Variants in DLGAP2 observed in about 807,000 individuals in gnomAD.
DLGAP2 encodes the protein DLG associated protein 2.
Under a neutral mutation model 100.3 loss-of-function variants are expected in DLGAP2, and 26 were observed. That is an observed-to-expected ratio of 0.26 (90% CI 0.19 to 0.36). The LOEUF is 0.36. DLGAP2 is among the 10% of genes least tolerant of loss of function. The pLI is 1.00. For synonymous variants in DLGAP2, 886 were observed against 630.1 expected, an observed-to-expected ratio of 1.41 and a Z score of -6.08; for missense variants, 1,858 against 1,453.2, an observed-to-expected ratio of 1.28 and a Z score of -4.53.
At chr8:1,037,978 C>T (rs542634088) in intron 2 of DLGAP2, among the ~76,000 whole-genome samples, 4 of 152,272 alleles carry the variant, frequency 2.6e-5, no homozygotes, top group South Asian at 2.1e-4. Context: ...TTTGTAGACA[C>T]GGAGGAGGTT....
intron 1 of DLGAP2, among the ~76,000 whole-genome samples, chr8:811,638 T>A (rs1181628442): frequency 7.4e-6 from 1 of 136,026 alleles, no homozygotes; most frequent in African/African-American, 2.8e-5. Flanking sequence ...AACCTTGGAA[T>A]GAGCAGGAAC....
At chr8:1,250,666 G>A (rs940284006) in intron 2 of DLGAP2, 6 of 151,996 alleles carry the variant, frequency 3.9e-5, no homozygotes, top group South Asian at 2.1e-4. Context: ...TGTTCCTACC[G>A]TTCATTGCTT....
At chr8:1,215,419 G>C (rs1178889979) in intron 2 of DLGAP2, among the ~76,000 whole-genome samples, 3 of 151,900 alleles carry the variant, frequency 2.0e-5, no homozygotes, top group Admixed American at 6.6e-5. Context: ...TGCATCACCT[G>C]GAGACGTCCA....
chr8:785,956 A>C (rs1305060873), intron 1 of DLGAP2, among the ~76,000 whole-genome samples: 1 of 152,186 alleles, frequency 6.6e-6, no homozygotes, highest in South Asian at 2.1e-4. Flanking sequence ...GAACGGGAGC[A>C]CCAGGCGATA....
At chr8:831,207 C>CTTTT (rs59545503) in intron 1 of DLGAP2, among the ~76,000 whole-genome samples, 3 of 127,636 alleles carry the variant, frequency 2.4e-5, no homozygotes, top group East Asian at 2.3e-4. Flanking sequence ...CCAGCAGTCA[C>CTTTT]TTTTTTTTTT....
At chr8:1,426,052 C>T (rs905250144) in intron 3 of DLGAP2, among the ~76,000 whole-genome samples, 1 of 152,188 alleles carries the variant, frequency 6.6e-6, no homozygotes, top group Non-Finnish European at 1.5e-5. Flanking sequence ...AGACCAAACT[C>T]TGAACCAAGG....
At chr8:1,242,805 C>T (rs1001147893) in intron 2 of DLGAP2, among the ~76,000 whole-genome samples, 6 of 151,614 alleles carry the variant, frequency 4.0e-5, no homozygotes, top group South Asian at 2.1e-4. Context: ...GATGGATGGA[C>T]GGATGGATGG....
At position 912,199 on chromosome 8, in the gene DLGAP2, T is replaced by A. The variant is rs1798499071; in HGVS notation, c.73+4233T>A. 2.6e-5 allele frequency among the ~76,000 whole-genome samples: 4 copies of A among 152,320 alleles called. No homozygotes were observed. The South Asian group carries it at 6.2e-4, about 24-fold the overall frequency. On this transcript the variant is annotated intron_variant, in intron 2 of 14. Transcript: ENST00000637795. ...AACTTTGATAATAAGAAGTGAATAA[T>A]GAAACCTCAAACAGATCAAGCATGC...
intron 1 of DLGAP2, among the ~76,000 whole-genome samples, chr8:872,580 T>C (rs970804321): frequency 1.2e-4 from 18 of 152,214 alleles, no homozygotes; most frequent in African/African-American, 4.3e-4. Flanking sequence ...CCACCCACCT[T>C]GGCCTCCCAA....
intron 8 of DLGAP2, among the ~76,000 whole-genome samples, chr8:1,647,906 G>C (rs1203375624): frequency 6.6e-6 from 1 of 152,114 alleles, no homozygotes; most frequent in Non-Finnish European, 1.5e-5. Flanking sequence ...TCACATGGTG[G>C]AAAAAGCGTA....
chr8:1,633,545 T>C (rs1009748939), intron 8 of DLGAP2, among the ~76,000 whole-genome samples: 1 of 152,192 alleles, frequency 6.6e-6, no homozygotes, highest in African/African-American at 2.4e-5. Flanking sequence ...GAAGACTCAG[T>C]CTCGCAATTT....
At chr8:962,683 T>A (rs1256597269) in intron 2 of DLGAP2, among the ~76,000 whole-genome samples, 5 of 151,772 alleles carry the variant, frequency 3.3e-5, no homozygotes, top group Admixed American at 3.3e-4. Flanking sequence ...AACAACGACA[T>A]CAGATGGAGC....
chr8:1,647,646 C>T (rs1229523352), intron 8 of DLGAP2, among the ~76,000 whole-genome samples: 4 of 151,976 alleles, frequency 2.6e-5, no homozygotes, highest in African/African-American at 7.2e-5. Flanking sequence ...GATAGCTTAT[C>T]ATCACTGAAG....
chr8:784,894 A>T (rs1821795237), intron 1 of DLGAP2, among the ~76,000 whole-genome samples: 1 of 152,000 alleles, frequency 6.6e-6, no homozygotes, highest in Non-Finnish European at 1.5e-5. Flanking sequence ...AAAGTTTCTT[A>T]TTTTACAGCC....
intron 2 of DLGAP2, chr8:910,671 G>A (rs1047572968): frequency 2.6e-5 from 4 of 152,150 alleles, no homozygotes; most frequent in Non-Finnish European, 4.4e-5. Flanking sequence ...AACCTACCTG[G>A]AGTGAGCGTT....
intron 6 of DLGAP2, among the ~76,000 whole-genome samples, chr8:1,594,695 AT>A (rs1260256902): frequency 6.6e-6 from 1 of 152,174 alleles, no homozygotes; most frequent in Non-Finnish European, 1.5e-5. Flanking sequence ...AAGTGCTGGG[AT>A]TACAGTTGTG....
chr8:1,169,361 G>C (rs1797081603), intron 2 of DLGAP2, among the ~76,000 whole-genome samples: 2 of 152,106 alleles, frequency 1.3e-5, no homozygotes, highest in Non-Finnish European at 2.9e-5. Flanking sequence ...ACTTGGCGAT[G>C]CGGGCTCTTT....
At chr8:1,272,323 A>G (rs1377909937) in intron 3 of DLGAP2, among the ~76,000 whole-genome samples, 1 of 152,144 alleles carries the variant, frequency 6.6e-6, no homozygotes, top group Non-Finnish European at 1.5e-5. Flanking sequence ...CAGAGTGTGC[A>G]AGCATATTGT....
At chr8:967,289 A>G (rs908207409) in intron 2 of DLGAP2, among the ~76,000 whole-genome samples, 1 of 152,244 alleles carries the variant, frequency 6.6e-6, no homozygotes, top group Non-Finnish European at 1.5e-5. Flanking sequence ...GAAAATGGGA[A>G]TGAGCCCAGC....
Sources: allele counts gnomAD v4.1 joint callset (sites outside exome capture counted in the v4.1 genomes callset), GRCh38; gene constraint gnomAD v4.1.1; transcripts MANE v1.5; gene names NCBI Gene and HGNC (gene_info 2026-07-23, HGNC 2026-07-21).